The following TBC1D14 variants were observed in gnomAD, a reference collection of about 807,000 sequenced individuals.
TBC1D14 encodes TBC1 domain family member 14.
In TBC1D14, 26 loss-of-function variants were observed where a neutral mutation model predicts 79.0. The ratio of observed to expected loss-of-function variants is 0.33; its 90% CI spans 0.24 to 0.46. The LOEUF (loss-of-function observed/expected upper bound fraction) is 0.46, where lower values mean the gene tolerates loss of function less well. Among genes scored for constraint, TBC1D14 ranks in the 20% least tolerant of loss-of-function variants. The probability of loss-of-function intolerance (pLI) is 1.00; values close to 1 mark genes in which losing one functional copy is unlikely to be tolerated. For synonymous variants in TBC1D14, 394 were observed against 349.9 expected, an observed-to-expected ratio of 1.13 and a Z score of -1.40; for missense variants, 769 against 887.6, an observed-to-expected ratio of 0.87 and a Z score of 1.70.
Position 6,949,455 on chromosome 4 carries a change from G to T in TBC1D14, c.723-17849G>T, listed in dbSNP as rs1028103562. On this transcript the variant is annotated intron_variant, in intron 2 of 13. Coordinates refer to ENST00000409757, the MANE Select transcript of TBC1D14 (RefSeq NM_020773.3). ...CCCAGCACTTTGGGAAGCCGAGGCA[G>T]GTGTATCACCTGAGGTCAAGAGTTG... Among the ~76,000 whole-genome samples the T allele has an allele frequency of 5.3e-5, 8 of 152,188 alleles. No homozygotes were observed. The East Asian group carries it at 1.5e-3, about 29-fold the overall frequency.
At chr4:6,979,480 G>T (rs576713160) in intron 3 of TBC1D14, among the ~76,000 whole-genome samples, 1 of 152,216 alleles carries the variant, frequency 6.6e-6, no homozygotes, top group Admixed American at 6.5e-5. Context: ...ATTTACTTGG[G>T]CATGGTGATA....
At position 7,030,401 on chromosome 4, in the gene TBC1D14, C is replaced by T. The variant is rs200523908; in HGVS notation, c.*9C>T. The T allele has an allele frequency of 2.6e-5, 42 of 1,613,646 alleles. No homozygotes were observed. In the Admixed American group the frequency reaches 4.3e-4, roughly 17 times the overall value. On this transcript the variant is annotated 3_prime_UTR_variant, in exon 14 of 14. Coordinates refer to ENST00000409757, the MANE Select transcript of TBC1D14 (RefSeq NM_020773.3). ...CGTCCCTCCGACACTGAGGCTGCAG[C>T]GGGAATTCGCACTCGGCACCAATCA...
At chr4:6,996,549 A>G in intron 5 of TBC1D14, 142 bp downstream of exon 5, 4 of 647,782 alleles carry the variant, frequency 6.2e-6, no homozygotes, top group East Asian at 3.0e-5. Flanking sequence ...AAAAAAAAAA[A>G]GATGCATGCG....
At chr4:6,957,537 C>T (rs1397769362) in intron 2 of TBC1D14, among the ~76,000 whole-genome samples, 1 of 152,172 alleles carries the variant, frequency 6.6e-6, no homozygotes, top group South Asian at 2.1e-4. Flanking sequence ...ATATAGCGCT[C>T]GCCTCTTGCT....
At chr4:7,007,459 G>C in intron 9 of TBC1D14, 11 of 1,033,422 alleles carry the variant, frequency 1.1e-5, no homozygotes, top group Non-Finnish European at 1.4e-5. Context: ...GTTTTTGCGG[G>C]GGCAGTTGTT....
chr4:6,943,823 T>C (rs941465016), intron 2 of TBC1D14, among the ~76,000 whole-genome samples: 4 of 152,174 alleles, frequency 2.6e-5, no homozygotes, highest in Admixed American at 6.5e-5. Context: ...CTTGAGTGAA[T>C]GTGAATCTAA....
At chr4:6,912,396 T>A (rs926879358) in intron 1 of TBC1D14, among the ~76,000 whole-genome samples, 3 of 151,030 alleles carry the variant, frequency 2.0e-5, no homozygotes, top group African/African-American at 7.4e-5. Context: ...AAAAATAAAA[T>A]AAAAAAAATA....
chr4:6,937,323 C>A (rs945882788), intron 2 of TBC1D14, among the ~76,000 whole-genome samples: 1 of 152,260 alleles, frequency 6.6e-6, no homozygotes, highest in African/African-American at 2.4e-5. Context: ...AAGGTGCCAG[C>A]ACGTTCAGTG....
intron 2 of TBC1D14, among the ~76,000 whole-genome samples, chr4:6,945,989 A>T (rs1713408735): frequency 6.6e-6 from 1 of 152,012 alleles, no homozygotes; most frequent in African/African-American, 2.4e-5. Flanking sequence ...TCCCCGGGTG[A>T]CTCTAGCACG....
At chr4:6,915,008 C>T (rs1479953942) in intron 1 of TBC1D14, among the ~76,000 whole-genome samples, 1 of 152,196 alleles carries the variant, frequency 6.6e-6, no homozygotes, top group Non-Finnish European at 1.5e-5. Context: ...CACTGCACTC[C>T]AGCCTGGGCG....
intron 1 of TBC1D14, among the ~76,000 whole-genome samples, chr4:6,919,356 G>A (rs532532080): frequency 6.6e-6 from 1 of 152,110 alleles, no homozygotes; most frequent in Admixed American, 6.5e-5. Context: ...ATGTTGGTCA[G>A]GCTGGTCTTG....
At chr4:7,010,916 T>G (rs1156515423) in intron 11 of TBC1D14, 135 bp downstream of exon 11, 5 of 1,074,506 alleles carry the variant, frequency 4.7e-6, no homozygotes, top group Non-Finnish European at 5.3e-6. Flanking sequence ...AGCAGCACTG[T>G]AAGGTGGAGG....
chr4:6,957,542 C>A (rs568310787), intron 2 of TBC1D14, among the ~76,000 whole-genome samples: 5 of 152,352 alleles, frequency 3.3e-5, no homozygotes, highest in African/African-American at 1.2e-4. Context: ...GCGCTCGCCT[C>A]TTGCTTTTGC....
chr4:6,935,438 G>A (rs926439398), intron 2 of TBC1D14, among the ~76,000 whole-genome samples: 9 of 152,122 alleles, frequency 5.9e-5, no homozygotes, highest in Admixed American at 3.9e-4. Context: ...AGAGTCCAGC[G>A]TAGCAGGCGC....
intron 2 of TBC1D14, among the ~76,000 whole-genome samples, chr4:6,948,313 G>C (rs1713678976): frequency 6.6e-6 from 1 of 152,170 alleles, no homozygotes. Context: ...CCACACATGA[G>C]CTCTGCCTTC....
At chr4:6,975,712 C>G (rs1716659895) in intron 3 of TBC1D14, among the ~76,000 whole-genome samples, 2 of 152,154 alleles carry the variant, frequency 1.3e-5, no homozygotes, top group Non-Finnish European at 2.9e-5. Context: ...GAAAAATACA[C>G]TAACTGAAAT....
intron 3 of TBC1D14, among the ~76,000 whole-genome samples, chr4:6,978,752 A>AAAAAG (rs1560302511): frequency 2.0e-5 from 3 of 151,602 alleles, no homozygotes; most frequent in Non-Finnish European, 4.4e-5. Flanking sequence ...AAAAAAAAAA[A>AAAAAG]AAAAGAAAAG....
intron 10 of TBC1D14, 75 bp downstream of exon 10, chr4:7,010,023 C>A: frequency 6.5e-7 from 1 of 1,529,542 alleles, no homozygotes; most frequent in Non-Finnish European, 9.0e-7. Context: ...CACGTGTTAG[C>A]TGCAAATGTC....
intron 9 of TBC1D14, 90 bp downstream of exon 9, chr4:7,006,816 G>T: frequency 7.6e-7 from 1 of 1,308,168 alleles, no homozygotes; most frequent in South Asian, 1.3e-5. Flanking sequence ...AGTTTGAAAG[G>T]TACTTGGGTT....
Sources: gnomAD v4.1 joint callset for allele counts (sites outside exome capture counted in the v4.1 genomes callset) on GRCh38, gnomAD v4.1.1 for gene constraint, MANE v1.5 for transcripts, NCBI Gene and HGNC (gene_info 2026-07-23, HGNC 2026-07-21) for gene names.